Variants in PDZRN3 observed in about 807,000 individuals in gnomAD.
PDZRN3 encodes the protein PDZ domain containing ring finger 3.
A neutral mutation model predicts 85.7 loss-of-function variants in PDZRN3; 38 were observed. The observed-to-expected ratio is 0.44, with a 90% confidence interval of 0.34 to 0.58. The LOEUF (loss-of-function observed/expected upper bound fraction) is 0.58, where lower values mean the gene tolerates loss of function less well. Among genes scored for constraint, PDZRN3 ranks in the 20% least tolerant of loss-of-function variants. PDZRN3 has a pLI of 0.01. For missense variants in PDZRN3, 1,629 were observed against 1,506.4 expected (o/e 1.08, Z -1.35); for synonymous variants, 759 against 638.0 (o/e 1.19, Z -2.86).
chr3:73,550,053 T>G (rs1435559675), intron 3 of PDZRN3, among the ~76,000 whole-genome samples: 3 of 152,160 alleles, frequency 2.0e-5, no homozygotes, highest in African/African-American at 4.8e-5. Context: ...AGCATAATAT[T>G]TTAATATTTG....
intron 3 of PDZRN3, among the ~76,000 whole-genome samples, chr3:73,409,547 A>G (rs1453302498): frequency 6.6e-6 from 1 of 152,158 alleles, no homozygotes; most frequent in Non-Finnish European, 1.5e-5. Context: ...TGGAGGAAAA[A>G]TGAAGCTACA....
At chr3:73,492,883 T>C (rs1364428281) in intron 3 of PDZRN3, among the ~76,000 whole-genome samples, 2 of 151,984 alleles carry the variant, frequency 1.3e-5, no homozygotes, top group African/African-American at 2.4e-5. Flanking sequence ...ATATCATATG[T>C]ACCACATAAA....
chr3:73,394,590 A>C (rs1701598697), intron 5 of PDZRN3, among the ~76,000 whole-genome samples: 1 of 152,222 alleles, frequency 6.6e-6, no homozygotes. Context: ...AATAATAAAA[A>C]AGCAAAGGGT....
intron 3 of PDZRN3, among the ~76,000 whole-genome samples, chr3:73,514,055 G>T (rs1285716413): frequency 6.6e-6 from 1 of 152,206 alleles, no homozygotes; most frequent in Non-Finnish European, 1.5e-5. Flanking sequence ...AAGGTGATTA[G>T]TAATGCAAAT....
At position 73,383,738 on chromosome 3, in the gene PDZRN3, A is replaced by G; in HGVS notation, c.2828T>C (p.Leu943Pro). 1 of 1,612,120 alleles carries G rather than the reference A, an allele frequency of 6.2e-7. No individual in the cohort carries two copies. The highest frequency in any genetic ancestry group is 8.5e-7 in the Non-Finnish European group (1 of 1,179,934). ...CCGGATCTTCAGGGCGCGCTCCCGC[A>G]GCAGGCGGTCCCGCACGGGCCTCTT... ...ITKRPVRDRL[L>P]RERALKIREE... Residue 943 changes from leucine (L) to proline (P), a missense_variant, in exon 10 of 10, where the codon CTG becomes CCG. Transcript: ENST00000263666.
intron 3 of PDZRN3, among the ~76,000 whole-genome samples, chr3:73,454,716 A>G (rs188159380): frequency 1.2e-4 from 18 of 152,314 alleles, no homozygotes; most frequent in South Asian, 2.1e-4. Context: ...TGGCCAGAAT[A>G]TGGTACTGAT....
chr3:73,438,070 G>A (rs541657716), intron 3 of PDZRN3, among the ~76,000 whole-genome samples: 4 of 152,318 alleles, frequency 2.6e-5, no homozygotes, highest in East Asian at 1.9e-4. Flanking sequence ...ACTGGAAAGT[G>A]CCTAATAAGC....
chr3:73,476,628 A>C (rs1703456465), intron 3 of PDZRN3, among the ~76,000 whole-genome samples: 1 of 152,198 alleles, frequency 6.6e-6, no homozygotes, highest in South Asian at 2.1e-4. Flanking sequence ...GTTATAAAAG[A>C]CACCGCATCT....
chr3:73,440,385 C>A (rs993173552), intron 3 of PDZRN3, among the ~76,000 whole-genome samples: 5 of 152,168 alleles, frequency 3.3e-5, no homozygotes, highest in African/African-American at 9.7e-5. Context: ...CAGGCTGCTG[C>A]AACTGCCACA....
chr3:73,439,236 C>CTGAG (rs1702587334), intron 3 of PDZRN3, among the ~76,000 whole-genome samples: 2 of 152,196 alleles, frequency 1.3e-5, no homozygotes, highest in South Asian at 4.1e-4. Flanking sequence ...CAGATACATA[C>CTGAG]TGAGGGCCTG....
chr3:73,447,277 G>A (rs531399031), intron 3 of PDZRN3, among the ~76,000 whole-genome samples: 2 of 151,712 alleles, frequency 1.3e-5, no homozygotes, highest in Non-Finnish European at 2.9e-5. Context: ...TCGAAGCCTC[G>A]TGCCCTCGGA....
chr3:73,525,966 T>C (rs1261509252), intron 3 of PDZRN3, among the ~76,000 whole-genome samples: 1 of 152,204 alleles, frequency 6.6e-6, no homozygotes, highest in African/African-American at 2.4e-5. Context: ...TGTCAGTAGA[T>C]GGAGCCACAC....
At chr3:73,566,058 G>A (rs751175358) in intron 3 of PDZRN3, among the ~76,000 whole-genome samples, 1 of 151,994 alleles carries the variant, frequency 6.6e-6, no homozygotes, top group Non-Finnish European at 1.5e-5. Context: ...AGGTAATTAG[G>A]AAAAAAGGCA....
chr3:73,605,405 A>G (rs1575760776), intron 2 of PDZRN3, among the ~76,000 whole-genome samples: 1 of 152,216 alleles, frequency 6.6e-6, no homozygotes, highest in African/African-American at 2.4e-5. Context: ...ACCTAACGAT[A>G]AAGTACACTT....
Position 73,496,697 on chromosome 3 carries a change from T to TA in PDZRN3, c.919-92303dup, listed in dbSNP as rs552947170. On this transcript the variant is annotated intron_variant, in intron 3 of 9. Transcript: ENST00000263666. Reference sequence around the variant, plus strand: ...CAAAAAGTCCTTTTATAGTTAGTAATAAAAAAGGTAAAAAAATTAAAAAGA... The same window carrying TA: ...CAAAAAGTCCTTTTATAGTTAGTAATAAAAAAAGGTAAAAAAATTAAAAAGA... Among the ~76,000 whole-genome samples the TA allele has an allele frequency of 2.4e-3, 370 of 152,106 alleles. 3 individuals are homozygous for TA. The highest frequency in any genetic ancestry group is 3.9e-3 in the Non-Finnish European group (262 of 67,972).
chr3:73,563,013 A>ATATATATATATATATATATATT (rs1187151191), intron 3 of PDZRN3, among the ~76,000 whole-genome samples: 1 of 43,780 alleles, frequency 2.3e-5, no homozygotes, highest in Non-Finnish European at 3.7e-5. Context: ...ATATATATAT[A>ATATATATATATATATATATATT]TTTTTTTTTT....
At chr3:73,432,149 C>A (rs1368469404) in intron 3 of PDZRN3, among the ~76,000 whole-genome samples, 1 of 152,228 alleles carries the variant, frequency 6.6e-6, no homozygotes, top group African/African-American at 2.4e-5. Context: ...ATGGCAGCGT[C>A]TGCTGTTCCA....
In PDZRN3 at chr3:73,624,164, G is replaced by T. The variant is rs761999901; in HGVS notation, c.662C>A (p.Thr221Asn). 3 of 1,503,154 alleles carry T rather than the reference G, an allele frequency of 2.0e-6. No individual in the cohort carries two copies. Among genetic ancestry groups the T allele is most frequent in the South Asian group, 1.2e-5 (1 of 80,650 alleles). The allele number at this position is 1,503,154 out of a possible 1,614,324, so 93.1% of individuals were successfully genotyped here. A position where few individuals can be genotyped will look rare whatever the true frequency, so the allele number is the denominator to read the frequency against. Residue 221 changes from threonine (T) to asparagine (N), a missense_variant, in exon 1 of 10, where the codon ACC becomes AAC. Coordinates refer to ENST00000263666, the MANE Select transcript of PDZRN3 (RefSeq NM_015009.3). ...CGAGTCGAGGCGCGCGCTGTATTCGGTGAATTTCTTCTGGTAGCGCAGCGC... is the reference window on the plus strand; with the variant it reads ...CGAGTCGAGGCGCGCGCTGTATTCGTTGAATTTCTTCTGGTAGCGCAGCGC... ...MTALRYQKKF[T>N]EYSARLDSLS...
intron 3 of PDZRN3, among the ~76,000 whole-genome samples, chr3:73,525,234 T>C (rs545484173): frequency 3.3e-5 from 5 of 152,306 alleles, no homozygotes; most frequent in East Asian, 1.9e-4. Flanking sequence ...TTATAATAAC[T>C]GCTTTTTTGA....
Sources: allele counts gnomAD v4.1 joint callset (sites outside exome capture counted in the v4.1 genomes callset), GRCh38; gene constraint gnomAD v4.1.1; transcripts MANE v1.5; gene names NCBI Gene and HGNC (gene_info 2026-07-23, HGNC 2026-07-21).